The following DMXL2 variants were observed in gnomAD, a reference collection of about 807,000 sequenced individuals.
DMXL2 encodes the protein Dmx like 2.
DMXL2 carries 103 observed loss-of-function variants against 331.1 expected under a neutral mutation model. The ratio of observed to expected loss-of-function variants is 0.31; its 90% CI spans 0.27 to 0.37. The LOEUF is 0.37. Ranked by LOEUF, DMXL2 falls within the 10% of genes least tolerant of loss-of-function variation. The pLI is 1.00. For synonymous variants in DMXL2, 1,281 were observed against 1,252.1 expected (o/e 1.02, Z -0.49); for missense variants, 3,171 against 3,642.9 (o/e 0.87, Z 3.33).
At chr15:51,583,106 C>CTTTTTTTTTTTTTTTTTTTTTTTTT (rs57226377) in intron 1 of DMXL2, among the ~76,000 whole-genome samples, 2 of 87,180 alleles carry the variant, frequency 2.3e-5, no homozygotes, top group African/African-American at 4.1e-5. Flanking sequence ...CTTCATTCTT[C>CTTTTTTTTTTTTTTTTTTTTTTTTT]TTTTTTTTTT....
rs1244630437 is a variant in DMXL2 at position 51,621,571 on chromosome 15, G to T, written c.87+888C>A. On this transcript the variant is annotated intron_variant, in intron 1 of 43. Coordinates refer to ENST00000560891, the MANE Select transcript of DMXL2 (RefSeq NM_001378457.1). ...TATGGGAGTCTATCTATGAGTAAAC[G>T]AAGCTCCAAGGCTTGGTTTAAACAT... 2.0e-5 allele frequency among the ~76,000 whole-genome samples: 3 copies of T among 152,162 alleles called. No individual in the cohort carries two copies. In the East Asian group the frequency reaches 5.8e-4, roughly 29 times the overall value.
chr15:51,538,387 G>A lies in DMXL2; in HGVS notation c.1171C>T (p.His391Tyr). The change falls in exon 10 of 44, where the codon CAT becomes TAT. Residue 391 changes from histidine to tyrosine, a missense_variant. Around this residue, in one of 7 missense-constraint regions of DMXL2, gnomAD observed 1,674 missense variants for 1,780.2 expected, o/e 0.94. Transcript: ENST00000560891. Reference sequence around the variant, plus strand: ...TGAAATTCCTTGTTGTTTAACCAATGAACTACAAAGCCCCCATTTCCATCA... The same window carrying A: ...TGAAATTCCTTGTTGTTTAACCAATAAACTACAAAGCCCCCATTTCCATCA... ...VDDGNGGFVV[H>Y]WLNNKEFHFT... 8 of 1,612,472 alleles carry A rather than the reference G, an allele frequency of 5.0e-6. No homozygotes were observed. The highest frequency in any genetic ancestry group is 5.9e-6 in the Non-Finnish European group (7 of 1,178,648).
intron 30 of DMXL2, among the ~76,000 whole-genome samples, chr15:51,465,973 G>A (rs1164849038): frequency 6.6e-6 from 1 of 152,100 alleles, no homozygotes; most frequent in Non-Finnish European, 1.5e-5. Flanking sequence ...AAAGATGCTT[G>A]TGTTTGCACT....
At chr15:51,574,338 TTAACTACAGGGAA>T (rs1443303541) in intron 2 of DMXL2, among the ~76,000 whole-genome samples, 2 of 152,216 alleles carry the variant, frequency 1.3e-5, no homozygotes, top group Non-Finnish European at 2.9e-5. Context: ...TAAGATGGAA[TTAACTACAGGGAA>T]TAGACCAAAA....
chr15:51,565,191 TAAG>T (rs2050193482), intron 3 of DMXL2, 25 bp from the exon 4 acceptor site: 1 of 1,489,318 alleles, frequency 6.7e-7, no homozygotes, highest in Non-Finnish European at 9.0e-7. Flanking sequence ...CAAAAAGAAA[TAAG>T]AAAAAAGAAA....
chr15:51,492,980 T>A (rs150871583), intron 19 of DMXL2, among the ~76,000 whole-genome samples: 1,664 of 152,332 alleles, frequency 0.011, 14 homozygotes, highest in Middle Eastern at 0.041. Flanking sequence ...CTATTATGAT[T>A]ATTTTGAATA....
At position 51,565,119 on chromosome 15, in the gene DMXL2, A is replaced by C; in HGVS notation, c.333T>G (p.Ser111=). The C allele has an allele frequency of 6.3e-7, 1 of 1,586,218 alleles. No homozygotes were observed. The highest frequency in any genetic ancestry group is 8.6e-7 in the Non-Finnish European group (1 of 1,168,198). The part of the protein sequence containing the change: ...WLKTGQFFLS[S]VTYNLAWDPQ... The stretch of plus-strand genomic sequence containing the variant: ...GATCCCATGCTAAGTTGTATGTCAC[A>C]GAACTCAAAAAAAACTGCCCAGTTT... Residue 111 remains serine (S), a synonymous_variant, in exon 4 of 44, where the codon TCT becomes TCG. Coordinates refer to ENST00000560891, the MANE Select transcript of DMXL2 (RefSeq NM_001378457.1).
intron 2 of DMXL2, among the ~76,000 whole-genome samples, chr15:51,574,821 TA>T (rs1250583077): frequency 1.7e-4 from 26 of 152,246 alleles, no homozygotes; most frequent in Non-Finnish European, 2.2e-4. Flanking sequence ...TATACTTTTT[TA>T]AAAAGTTTTA....
intron 1 of DMXL2, among the ~76,000 whole-genome samples, chr15:51,579,297 T>C (rs2041778014): frequency 6.6e-6 from 1 of 152,162 alleles, no homozygotes; most frequent in Non-Finnish European, 1.5e-5. Flanking sequence ...TCTCTTAAAC[T>C]ATTGCACACT....
Position 51,480,863 on chromosome 15 carries a change from A to C in DMXL2, c.6243T>G (p.Ile2081Met). 6.2e-7 allele frequency: 1 copy of C among 1,613,142 alleles called. No homozygotes were observed. Among genetic ancestry groups the C allele is most frequent in the Non-Finnish European group, 8.5e-7 (1 of 1,179,626 alleles). The change falls in exon 24 of 44, where the codon ATT becomes ATG. Residue 2081 changes from isoleucine (I) to methionine (M), a missense_variant. Physicochemically the swap from Ile to Met is conservative, Grantham distance 10. Coordinates refer to ENST00000560891, the MANE Select transcript of DMXL2 (RefSeq NM_001378457.1). ...FQLYNWLEKE[I>M]AALHEICNHE... ...GATTACATATCTCATGCAAGGCAGC[A>C]ATTTCCTTTTCAAGCCAGTTATAGA...
chr15:51,525,667 T>C (rs1178722301), intron 13 of DMXL2, among the ~76,000 whole-genome samples: 1 of 152,144 alleles, frequency 6.6e-6, no homozygotes, highest in Non-Finnish European at 1.5e-5. Context: ...AAGTACTCCC[T>C]GTAGGCCTGA....
intron 15 of DMXL2, among the ~76,000 whole-genome samples, chr15:51,509,325 G>GA (rs1392143620): frequency 5.3e-5 from 8 of 151,160 alleles, no homozygotes; most frequent in Non-Finnish European, 1.0e-4. Flanking sequence ...AACTAATAAA[G>GA]AAAAAAAGAA....
chr15:51,604,345 A>G (rs2053436674), intron 1 of DMXL2, among the ~76,000 whole-genome samples: 1 of 151,504 alleles, frequency 6.6e-6, no homozygotes, highest in Non-Finnish European at 1.5e-5. Flanking sequence ...GAAGAATTCA[A>G]ACTGTCTAAT....
At position 51,535,697 on chromosome 15, in the gene DMXL2, T is replaced by C. The variant is rs761725798; in HGVS notation, c.2402A>G (p.Lys801Arg). The change falls in exon 13 of 44, where the codon AAA (lysine) becomes AGA (arginine). Residue 801 changes from lysine to arginine, a missense_variant. This residue lies in a region of DMXL2 where 1,674 missense variants were observed against 1,780.2 expected (regional missense o/e 0.94). Coordinates refer to ENST00000560891, the MANE Select transcript of DMXL2 (RefSeq NM_001378457.1). ...TGGGTCTGACAATTCATCTAATAAT[T>C]TCCTTGCATCCACTACAGCTTGATA... is the stretch of plus-strand genomic sequence containing the variant. ...RLYQAVVDAR[K>R]LLDELSDPES... The C allele has an allele frequency of 1.2e-6, 2 of 1,606,886 alleles. No homozygotes were observed. Among genetic ancestry groups the C allele is most frequent in the Non-Finnish European group, 1.7e-6 (2 of 1,176,774 alleles).
intron 28 of DMXL2, among the ~76,000 whole-genome samples, chr15:51,472,367 G>A (rs1477744484): frequency 6.6e-6 from 1 of 152,034 alleles, no homozygotes; most frequent in Non-Finnish European, 1.5e-5. Flanking sequence ...CTTTTTAATT[G>A]AGGCAAATTT....
chr15:51,492,622 G>A (rs147314827), intron 19 of DMXL2, among the ~76,000 whole-genome samples: 59 of 152,160 alleles, frequency 3.9e-4, no homozygotes, highest in African/African-American at 1.3e-3. Flanking sequence ...TACTGATAAC[G>A]CTCTTACTGA....
rs1260527352 is a variant in DMXL2 at position 51,456,087 on chromosome 15, A to G, written c.8505T>C (p.Tyr2835=). Residue 2835 remains tyrosine (Y), a synonymous_variant, in exon 39 of 44, where the codon TAT becomes TAC. Coordinates refer to ENST00000560891, the MANE Select transcript of DMXL2 (RefSeq NM_001378457.1). ...QAGNARVTRL[Y]FNSQGNKCGV... ...TAACCTTGTTGCCTTGTGAATTAAA[A>G]TATAATCTAGTAACTCTTGCATTGC... is the stretch of plus-strand genomic sequence containing the variant. 2.3e-5 allele frequency: 37 copies of G among 1,614,082 alleles called. No individual in the cohort carries two copies. Among genetic ancestry groups the G allele is most frequent in the Non-Finnish European group, 3.1e-5 (36 of 1,180,034 alleles).
At chr15:51,557,409 T>C (rs1301966915) in intron 6 of DMXL2, among the ~76,000 whole-genome samples, 5 of 152,186 alleles carry the variant, frequency 3.3e-5, no homozygotes, top group African/African-American at 1.2e-4. Flanking sequence ...ATCATGTTCA[T>C]AAACGGGAAG....
chr15:51,486,136 C>T lies in DMXL2; in HGVS notation c.5419G>A (p.Asp1807Asn). Reference sequence around the variant, plus strand: ...AATGTGTCCAAGGCTCGGGTGTAATCTTTCATTACCCAATAGGCAAGACTA... The same window carrying T: ...AATGTGTCCAAGGCTCGGGTGTAATTTTTCATTACCCAATAGGCAAGACTA... Reference protein sequence around the residue: ...LRSLAYWVMKDYTRALDTLLE... With the variant: ...LRSLAYWVMKNYTRALDTLLE... Residue 1807 changes from aspartate to asparagine, a missense_variant, in exon 23 of 44, where the codon GAT becomes AAT. Around this residue, in one of 7 missense-constraint regions of DMXL2, gnomAD observed 252 missense variants for 387.4 expected, o/e 0.65. Coordinates refer to ENST00000560891, the MANE Select transcript of DMXL2 (RefSeq NM_001378457.1). The T allele has an allele frequency of 6.2e-7, 1 of 1,614,030 alleles. No individual in the cohort carries two copies. The highest frequency in any genetic ancestry group is 8.5e-7 in the Non-Finnish European group (1 of 1,179,944).
Sources: allele counts gnomAD v4.1 joint callset (sites outside exome capture counted in the v4.1 genomes callset), GRCh38; gene constraint gnomAD v4.1.1; regional missense constraint gnomAD v4.1.1; transcripts MANE v1.5; gene names NCBI Gene and HGNC (gene_info 2026-07-23, HGNC 2026-07-21).